ARHGAP1: variants seen among roughly 807,000 people sequenced by gnomAD.
ARHGAP1 encodes the protein Rho GTPase activating protein 1, also known as rho GTPase-activating protein 1.
In ARHGAP1, 23 loss-of-function variants were observed where a neutral mutation model predicts 52.2. That is an observed-to-expected ratio of 0.44 (90% CI 0.32 to 0.62). The LOEUF is 0.62. Among genes scored for constraint, ARHGAP1 ranks in the 20% least tolerant of loss-of-function variants. ARHGAP1 has a pLI of 0.05. For synonymous variants in ARHGAP1, 210 were observed against 228.4 expected, an observed-to-expected ratio of 0.92 and a Z score of 0.73; for missense variants, 480 against 560.9, an observed-to-expected ratio of 0.86 and a Z score of 1.46.
intron 3 of ARHGAP1, 66 bp downstream of exon 3, chr11:46,695,594 G>T: frequency 6.8e-7 from 1 of 1,480,412 alleles, no homozygotes; most frequent in Middle Eastern, 1.7e-4. Flanking sequence ...CCCCTGTGGT[G>T]TGAAGGGCTG....
intron 3 of ARHGAP1, among the ~76,000 whole-genome samples, chr11:46,688,820 C>T (rs1004823835): frequency 3.3e-5 from 5 of 151,588 alleles, no homozygotes; most frequent in East Asian, 4.0e-4. Context: ...CGGTGGCTCA[C>T]GCCTGTAATC....
rs1263690534 is a variant in ARHGAP1 at position 46,680,239 on chromosome 11, T to C, written c.864A>G (p.Gln288=). 9 of 1,613,922 alleles carry C rather than the reference T, an allele frequency of 5.6e-6. No homozygotes were observed. Among genetic ancestry groups the C allele is most frequent in the African/African-American group, 1.3e-5 (1 of 74,874 alleles). ...ACTTCTGCTGCACTTCCCGGACCAC[T>C]TGGGTGTTGGCCGACCTCCGGAAGA... The part of the protein sequence containing the change: ...EGIFRRSANT[Q]VVREVQQKYN... The change falls in exon 10 of 13, where the codon CAA becomes CAG. Residue 288 remains glutamine (Q), a synonymous_variant. Coordinates refer to ENST00000311956, the MANE Select transcript of ARHGAP1 (RefSeq NM_004308.5). The surrounding 1 kb of genome is among the most constrained non-coding windows in gnomAD (Gnocchi z 5.9).
chr11:46,690,852 TC>T (rs1184484897), intron 3 of ARHGAP1, among the ~76,000 whole-genome samples: 10 of 152,086 alleles, frequency 6.6e-5, no homozygotes, highest in African/African-American at 2.4e-4. Flanking sequence ...CTTTGTTTGT[TC>T]TTTTTCTTTG....
At position 46,686,760 on chromosome 11, in the gene ARHGAP1, G is replaced by A. The variant is rs904931710; in HGVS notation, c.317+1413C>T. On this transcript the variant is annotated intron_variant, in intron 4 of 12. Transcript: ENST00000311956. ...TTTTTTTTTTTTGAGACGGAGTCTC[G>A]CTCTGTCGCCCAGGCTAGAGTGCAG... The A allele has an allele frequency of 7.3e-5, 11 of 151,574 alleles. No individual in the cohort carries two copies. The South Asian group carries it at 1.5e-3, about 20-fold the overall frequency. 9.4% of individuals were successfully genotyped at this position (151,574 alleles called of 1,614,324 possible).
chr11:46,697,886 A>G (rs909839795), intron 1 of ARHGAP1, among the ~76,000 whole-genome samples: 2 of 151,986 alleles, frequency 1.3e-5, no homozygotes, highest in Non-Finnish European at 1.5e-5. Flanking sequence ...ACCCTTCAAT[A>G]TCTACATGTG....
chr11:46,679,603 G>A lies in ARHGAP1; in HGVS notation c.1027+45C>T. 6.2e-7 allele frequency: 1 copy of A among 1,612,622 alleles called. No homozygotes were observed. On this transcript the variant is annotated intron_variant, in intron 11 of 12. Transcript: ENST00000311956. This position sits in a 1 kb window ranked among gnomAD's most constrained non-coding sequence, Gnocchi z 4.4. ...AGGCCCGAAAGCCTGCAGCGCACCT[G>A]CCCCAAGTCCAGCCCCAGGCCCAAC... is the stretch of plus-strand genomic sequence containing the variant.
intron 4 of ARHGAP1, among the ~76,000 whole-genome samples, chr11:46,684,247 ATTG>A (rs1343641206): frequency 1.2e-4 from 18 of 152,232 alleles, no homozygotes; most frequent in African/African-American, 4.3e-4. Context: ...GCATAAAGAG[ATTG>A]CATTTTGCAA....
intron 4 of ARHGAP1, among the ~76,000 whole-genome samples, chr11:46,683,487 A>G (rs2064544091): frequency 6.6e-6 from 1 of 152,154 alleles, no homozygotes; most frequent in Admixed American, 6.5e-5. Context: ...AGTGGACCAA[A>G]GAGCCCCAAT....
Position 46,696,220 on chromosome 11 carries a change from C to T in ARHGAP1, c.-49-64G>A. ...CTCTTTTCACCTTCTGCGACCTCCA[C>T]CGCGTGCCCTCCTGCCCCCACCATT... On this transcript the variant is annotated intron_variant, in intron 1 of 12. Coordinates refer to ENST00000311956, the MANE Select transcript of ARHGAP1 (RefSeq NM_004308.5). The surrounding 1 kb of genome is among the most constrained non-coding windows in gnomAD (Gnocchi z 4.8). 1 of 1,197,850 alleles carries T rather than the reference C, an allele frequency of 8.3e-7. No individual in the cohort carries two copies. Among genetic ancestry groups the T allele is most frequent in the Non-Finnish European group, 1.2e-6 (1 of 865,574 alleles). The allele number at this position is 1,197,850 out of a possible 1,614,324, so 74.2% of individuals were successfully genotyped here.
chr11:46,685,242 A>G (rs1430452592), intron 4 of ARHGAP1, among the ~76,000 whole-genome samples: 3 of 149,668 alleles, frequency 2.0e-5, no homozygotes, highest in Admixed American at 6.7e-5. Context: ...TTGTCTATAT[A>G]TTTTTTTATT....
At chr11:46,690,856 T>C (rs1186791882) in intron 3 of ARHGAP1, among the ~76,000 whole-genome samples, 1 of 152,134 alleles carries the variant, frequency 6.6e-6, no homozygotes. Flanking sequence ...GTTTGTTCTT[T>C]TTCTTTGTTT....
intron 3 of ARHGAP1, among the ~76,000 whole-genome samples, chr11:46,692,841 C>T (rs1236769698): frequency 1.1e-4 from 16 of 148,036 alleles, no homozygotes; most frequent in Non-Finnish European, 1.5e-4. Context: ...GCATGCACCA[C>T]CACACCCAGC....
intron 3 of ARHGAP1, among the ~76,000 whole-genome samples, chr11:46,694,315 A>C (rs1275609338): frequency 6.6e-6 from 1 of 151,480 alleles, no homozygotes; most frequent in Non-Finnish European, 1.5e-5. Flanking sequence ...CCAGCTCCCC[A>C]GGGTGAGACT....
intron 3 of ARHGAP1, among the ~76,000 whole-genome samples, chr11:46,690,892 T>C (rs1350916869): frequency 6.6e-6 from 1 of 152,172 alleles, no homozygotes; most frequent in African/African-American, 2.4e-5. Context: ...TGATTTTTTT[T>C]TTTTTAAGAG....
chr11:46,683,964 A>G, intron 4 of ARHGAP1, among the ~76,000 whole-genome samples: 1 of 152,202 alleles, frequency 6.6e-6, no homozygotes, highest in East Asian at 1.9e-4. Flanking sequence ...CTAGTTGGCC[A>G]AACAGCTCCT....
Position 46,680,999 on chromosome 11 carries a change from C to T in ARHGAP1, c.635+12G>A, listed in dbSNP as rs764130216. 6.2e-6 allele frequency: 10 copies of T among 1,612,972 alleles called. No individual in the cohort carries two copies. The South Asian group carries it at 9.9e-5, about 16-fold the overall frequency. On this transcript the variant is annotated intron_variant, in intron 7 of 12. Coordinates refer to ENST00000311956, the MANE Select transcript of ARHGAP1 (RefSeq NM_004308.5). The surrounding 1 kb of genome is among the most constrained non-coding windows in gnomAD (Gnocchi z 5.9). ...TGGCTTCACGAGCCCCCAGCCGCCGCACCCGCCTCACTTGAGCACTTGGCG... is the reference window on the plus strand; with the variant it reads ...TGGCTTCACGAGCCCCCAGCCGCCGTACCCGCCTCACTTGAGCACTTGGCG...
At chr11:46,683,099 C>T (rs187295554) in intron 4 of ARHGAP1, among the ~76,000 whole-genome samples, 376 of 141,540 alleles carry the variant, frequency 2.7e-3, no homozygotes, top group Non-Finnish European at 4.5e-3. Context: ...GGCACCGTAG[C>T]GCAATCACAG....
Position 46,680,711 on chromosome 11 carries a change from G to T in ARHGAP1, c.672C>A (p.Pro224=), listed in dbSNP as rs146623713. 1 of 1,576,920 alleles carries T rather than the reference G, an allele frequency of 6.3e-7. No individual in the cohort carries two copies. The highest frequency in any genetic ancestry group is 8.6e-7 in the Non-Finnish European group (1 of 1,161,754). The change falls in exon 8 of 13, where the codon CCC becomes CCA. Residue 224 remains proline (P), a synonymous_variant. Transcript: ENST00000311956. This position sits in a 1 kb window ranked among gnomAD's most constrained non-coding sequence, Gnocchi z 5.9. ...DDFLKSTQKS[P]ATAPKPMPPR... is the part of the protein sequence containing the mutation. ...GGGGCATGGGCTTGGGGGCTGTCGCGGGGCTCTTCTGTGTGGATTTCAGGA... is the reference window on the plus strand; with the variant it reads ...GGGGCATGGGCTTGGGGGCTGTCGCTGGGCTCTTCTGTGTGGATTTCAGGA...
rs542326246 is a variant in ARHGAP1, at chr11:46,688,800, C to T, written c.230-540G>A. 3.3e-3 allele frequency among the ~76,000 whole-genome samples: 497 copies of T among 150,874 alleles called. 1 individual carries two copies. Among genetic ancestry groups the T allele is most frequent in the Non-Finnish European group, 4.5e-3 (302 of 67,642 alleles). ...AACATCACTTTTTAAAAAGTCATGCCGGCCGGGCGCGGTGGCTCACGCCTG... is the reference window on the plus strand; with the variant it reads ...AACATCACTTTTTAAAAAGTCATGCTGGCCGGGCGCGGTGGCTCACGCCTG... On this transcript the variant is annotated intron_variant, in intron 3 of 12. Coordinates refer to ENST00000311956, the MANE Select transcript of ARHGAP1 (RefSeq NM_004308.5).
Sources: gnomAD v4.1 joint callset for allele counts (sites outside exome capture counted in the v4.1 genomes callset) on GRCh38, gnomAD v4.1.1 for gene constraint, Gnocchi (gnomAD v3.1) non-coding constraint, MANE v1.5 for transcripts, NCBI Gene and HGNC (gene_info 2026-07-23, HGNC 2026-07-21) for gene names.